NIPSNAP1: variants seen among roughly 807,000 people sequenced by gnomAD.
NIPSNAP1 encodes nipsnap homolog 1.
A neutral mutation model predicts 49.2 loss-of-function variants in NIPSNAP1; 25 were observed. That is an observed-to-expected ratio of 0.51 (90% CI 0.37 to 0.71). The LOEUF (loss-of-function observed/expected upper bound fraction) is 0.71, where lower values mean the gene tolerates loss of function less well. NIPSNAP1 is among the 30% of genes least tolerant of loss of function. The pLI is 0.00. For synonymous variants in NIPSNAP1, 143 were observed against 140.7 expected, an observed-to-expected ratio of 1.02 and a Z score of -0.12; for missense variants, 294 against 361.0, an observed-to-expected ratio of 0.81 and a Z score of 1.50.
chr22:29,575,662 C>T (rs995984548), intron 1 of NIPSNAP1, among the ~76,000 whole-genome samples: 3 of 152,036 alleles, frequency 2.0e-5, no homozygotes, highest in African/African-American at 7.2e-5. Context: ...AATCCCAGCA[C>T]TTTGGGAGGC....
Position 29,555,925 on chromosome 22 carries a change from G to A in NIPSNAP1, c.*10C>T. 2 of 1,551,140 alleles carry A rather than the reference G, an allele frequency of 1.3e-6. No homozygotes were observed. The highest frequency in any genetic ancestry group is 1.7e-6 in the Non-Finnish European group (2 of 1,146,450). ...GGGAGAAGGGGAAGGAGGTGGAGGT[G>A]TAGGCAGCATCACTGCAGAGGCGAG... On this transcript the variant is annotated 3_prime_UTR_variant, in exon 10 of 10. Coordinates refer to ENST00000216121, the MANE Select transcript of NIPSNAP1 (RefSeq NM_003634.4).
chr22:29,574,538 G>T (rs1490583193), intron 1 of NIPSNAP1, among the ~76,000 whole-genome samples: 1 of 152,036 alleles, frequency 6.6e-6, no homozygotes, highest in African/African-American at 2.4e-5. Flanking sequence ...CAGCACTTTG[G>T]GAGGCCGAGG....
intron 1 of NIPSNAP1, among the ~76,000 whole-genome samples, chr22:29,573,492 G>T (rs1405977751): frequency 1.3e-5 from 2 of 152,096 alleles, no homozygotes; most frequent in African/African-American, 4.8e-5. Context: ...AAAATTGCTG[G>T]GTACGGTGGC....
At chr22:29,568,501 A>AG (rs968574542) in intron 4 of NIPSNAP1, among the ~76,000 whole-genome samples, 2 of 147,070 alleles carry the variant, frequency 1.4e-5, no homozygotes, top group Admixed American at 6.9e-5. Flanking sequence ...AAAAAGAAAA[A>AG]AAAAAAAAAG....
chr22:29,561,681 A>C (rs773445013), intron 5 of NIPSNAP1, 35 bp from the exon 6 acceptor site: 2 of 1,614,110 alleles, frequency 1.2e-6, no homozygotes, highest in Non-Finnish European at 8.5e-7. Context: ...GGCTACCAGG[A>C]AGTGCGCTCC....
At chr22:29,572,682 C>T (rs1282740406) in intron 1 of NIPSNAP1, among the ~76,000 whole-genome samples, 2 of 151,954 alleles carry the variant, frequency 1.3e-5, no homozygotes, top group South Asian at 2.1e-4. Flanking sequence ...TGCCTGTAGT[C>T]CCACTACTTG....
chr22:29,562,147 C>A (rs1228318477), intron 4 of NIPSNAP1, among the ~76,000 whole-genome samples: 1 of 152,102 alleles, frequency 6.6e-6, no homozygotes, highest in Non-Finnish European at 1.5e-5. Context: ...AATGTTCCCA[C>A]CCCACCTTCC....
chr22:29,563,077 C>A (rs370441920), intron 4 of NIPSNAP1, among the ~76,000 whole-genome samples: 4 of 144,272 alleles, frequency 2.8e-5, no homozygotes, highest in African/African-American at 1.0e-4. Flanking sequence ...CCAGCCTGGA[C>A]AACAGAGCGA....
At position 29,560,513 on chromosome 22, in the gene NIPSNAP1, C is replaced by T. The variant is rs144818547; in HGVS notation, c.706+221G>A. 5.1e-3 allele frequency among the ~76,000 whole-genome samples: 773 copies of T among 152,148 alleles called. 3 individuals carry two copies. Among genetic ancestry groups the T allele is most frequent in the South Asian group, 0.029 (138 of 4,814 alleles). On this transcript the variant is annotated intron_variant, in intron 8 of 9. Transcript: ENST00000216121. Reference sequence around the variant, plus strand: ...TGCCCACCTCGGCCTCCCAAAGTGTCGTGATTATACACTTGAGCCACCGCT... The same window carrying T: ...TGCCCACCTCGGCCTCCCAAAGTGTTGTGATTATACACTTGAGCCACCGCT...
At position 29,555,373 on chromosome 22, in the gene NIPSNAP1, T is replaced by C. The variant is rs2064284438; in HGVS notation, c.*562A>G. On this transcript the variant is annotated 3_prime_UTR_variant, in exon 10 of 10. Coordinates refer to ENST00000216121, the MANE Select transcript of NIPSNAP1 (RefSeq NM_003634.4). ...CTTTCCCCAGCCCCTCTGGGCAGAA[T>C]GTCTGAACCTCCTCCTGACCGTGGT... 1 of 155,168 alleles carries C rather than the reference T, an allele frequency of 6.4e-6. No homozygotes were observed. The highest frequency in any genetic ancestry group is 2.0e-4 in the South Asian group (1 of 5,106). The allele number at this position is 155,168 out of a possible 1,614,324, so 9.6% of individuals were successfully genotyped here. A position where few individuals can be genotyped will look rare whatever the true frequency, so the allele number is the denominator to read the frequency against.
At chr22:29,566,126 G>T (rs2064366735) in intron 4 of NIPSNAP1, among the ~76,000 whole-genome samples, 2 of 141,212 alleles carry the variant, frequency 1.4e-5, no homozygotes. Context: ...GTATGACTAA[G>T]AAACTGAATT....
chr22:29,561,988 C>T, intron 4 of NIPSNAP1, 126 bp from the exon 5 acceptor site: 1 of 743,940 alleles, frequency 1.3e-6, no homozygotes, highest in Non-Finnish European at 2.3e-6. Flanking sequence ...CAGCAAGACT[C>T]CCTGAGTTCC....
At chr22:29,556,114 C>T (rs558677127) in intron 9 of NIPSNAP1, 115 bp from the exon 10 acceptor site, 13 of 820,686 alleles carry the variant, frequency 1.6e-5, no homozygotes, top group East Asian at 8.0e-5. Context: ...CCAGATGCTG[C>T]GACAGGAATG....
Position 29,580,970 on chromosome 22 carries a change from T to A in NIPSNAP1, c.98+15A>T, listed in dbSNP as rs1231817745. Reference sequence around the variant, plus strand: ...CACCCCGCGCGCGTCTATCCCTGCCTGGCCGGGCTCTCACCGCGCCGCAGC... The same window carrying A: ...CACCCCGCGCGCGTCTATCCCTGCCAGGCCGGGCTCTCACCGCGCCGCAGC... On this transcript the variant is annotated intron_variant, in intron 1 of 9. Transcript: ENST00000216121. 6.5e-7 allele frequency: 1 copy of A among 1,526,950 alleles called. No homozygotes were observed. The highest frequency in any genetic ancestry group is 2.0e-5 in the Admixed American group (1 of 50,494). 94.6% of individuals were successfully genotyped at this position (1,526,950 alleles called of 1,614,324 possible). A position where few individuals can be genotyped will look rare whatever the true frequency, so the allele number is the denominator to read the frequency against.
chr22:29,578,777 G>A (rs574962901), intron 1 of NIPSNAP1, among the ~76,000 whole-genome samples: 1 of 151,376 alleles, frequency 6.6e-6, no homozygotes, highest in Non-Finnish European at 1.5e-5. Flanking sequence ...CGGAGGTTCA[G>A]CAACTCATCC....
intron 1 of NIPSNAP1, among the ~76,000 whole-genome samples, chr22:29,577,494 A>C (rs1206560830): frequency 3.3e-5 from 5 of 150,194 alleles, no homozygotes; most frequent in Non-Finnish European, 5.9e-5. Context: ...ATCTCAGCTC[A>C]CTGCAACCTC....
At chr22:29,569,319 C>A in intron 3 of NIPSNAP1, 32 bp from the exon 4 acceptor site, 2 of 1,536,640 alleles carry the variant, frequency 1.3e-6, no homozygotes, top group South Asian at 2.2e-5. Context: ...GGGCAGGGTT[C>A]ACATAGCCAC....
intron 4 of NIPSNAP1, among the ~76,000 whole-genome samples, chr22:29,568,622 G>A (rs1195175347): frequency 5.9e-5 from 9 of 151,720 alleles, no homozygotes; most frequent in Admixed American, 2.0e-4. Context: ...GTGAAATCCC[G>A]TCTCTACTAA....
At chr22:29,573,343 G>A (rs2064424882) in intron 1 of NIPSNAP1, among the ~76,000 whole-genome samples, 1 of 152,080 alleles carries the variant, frequency 6.6e-6, no homozygotes, top group Admixed American at 6.6e-5. Flanking sequence ...CCAAAGTGGT[G>A]ATATGTTTGT....
Sources: gnomAD v4.1 joint callset for allele counts (sites outside exome capture counted in the v4.1 genomes callset) on GRCh38, gnomAD v4.1.1 for gene constraint, MANE v1.5 for transcripts, NCBI Gene and HGNC (gene_info 2026-07-23, HGNC 2026-07-21) for gene names.